TNFSF4: variants seen among roughly 807,000 people sequenced by gnomAD.
TNFSF4 encodes TNF superfamily member 4, also known as tumor necrosis factor ligand superfamily member 4.
A neutral mutation model predicts 7.3 loss-of-function variants in TNFSF4; 4 were observed. That is an observed-to-expected ratio of 0.55 (90% CI 0.27 to 1.25). The LOEUF (loss-of-function observed/expected upper bound fraction) is 1.25. TNFSF4 is among the 50% of genes most tolerant of loss of function. TNFSF4 has a pLI of 0.12. For synonymous variants in TNFSF4, 76 were observed against 83.7 expected, an observed-to-expected ratio of 0.91 and a Z score of 0.50; for missense variants, 181 against 208.8, an observed-to-expected ratio of 0.87 and a Z score of 0.82.
chr1:173,196,264 A>G (rs554580318), intron 1 of TNFSF4, among the ~76,000 whole-genome samples: 1 of 152,344 alleles, frequency 6.6e-6, no homozygotes, highest in African/African-American at 2.4e-5. Flanking sequence ...GACTTATCCC[A>G]AAAGTTACAT....
chr1:173,181,861 C>T (rs906388852), downstream of TNFSF4, among the ~76,000 whole-genome samples: 18 of 152,308 alleles, frequency 1.2e-4, no homozygotes, highest in African/African-American at 4.1e-4. Flanking sequence ...GTGGCTACAA[C>T]AGCTACAATG....
the TNFSF4 span, among the ~76,000 whole-genome samples, chr1:173,365,042 G>A: frequency 6.6e-6 from 1 of 151,460 alleles, no homozygotes; most frequent in Non-Finnish European, 1.5e-5. Flanking sequence ...AGCTATGATG[G>A]CGCTGCTGCA....
At chr1:173,199,500 G>C (rs946626818) in intron 1 of TNFSF4, among the ~76,000 whole-genome samples, 1 of 152,148 alleles carries the variant, frequency 6.6e-6, no homozygotes, top group African/African-American at 2.4e-5. Flanking sequence ...GGCAGAGCTT[G>C]GAGCAATACA....
chr1:173,448,806 G>A, the TNFSF4 span, among the ~76,000 whole-genome samples: 5 of 152,306 alleles, frequency 3.3e-5, no homozygotes, highest in South Asian at 1.0e-3. Flanking sequence ...AGGCCATCTG[G>A]GCGTATAAGT....
At chr1:173,282,961 G>GA in the TNFSF4 span, among the ~76,000 whole-genome samples, 1 of 152,132 alleles carries the variant, frequency 6.6e-6, no homozygotes, top group Non-Finnish European at 1.5e-5. Context: ...AGCTCATTTA[G>GA]AAAAGATGCA....
chr1:173,232,994 G>A, the TNFSF4 span, among the ~76,000 whole-genome samples: 1 of 152,210 alleles, frequency 6.6e-6, no homozygotes, highest in East Asian at 1.9e-4. Flanking sequence ...ACTTTGACGA[G>A]TTGAGAGAAG....
chr1:173,278,884 T>G, the TNFSF4 span, among the ~76,000 whole-genome samples: 1 of 152,142 alleles, frequency 6.6e-6, no homozygotes, highest in Non-Finnish European at 1.5e-5. Flanking sequence ...TCAGCCACAG[T>G]GGCTGCACAC....
At chr1:173,378,385 G>A in the TNFSF4 span, among the ~76,000 whole-genome samples, 1 of 152,158 alleles carries the variant, frequency 6.6e-6, no homozygotes, top group African/African-American at 2.4e-5. Flanking sequence ...GTGGGTCCTT[G>A]GGCAGGGGGA....
At chr1:173,365,057 A>G in the TNFSF4 span, among the ~76,000 whole-genome samples, 1 of 151,728 alleles carries the variant, frequency 6.6e-6, no homozygotes, top group Non-Finnish European at 1.5e-5. Context: ...GCTGCACTCC[A>G]GCCTGGGAAA....
chr1:173,395,388 A>ATATATATATATG, the TNFSF4 span, among the ~76,000 whole-genome samples: 1 of 66,872 alleles, frequency 1.5e-5, no homozygotes, highest in Non-Finnish European at 3.2e-5. Context: ...ATATATATAT[A>ATATATATATATG]TATATATATA....
the TNFSF4 span, among the ~76,000 whole-genome samples, chr1:173,334,207 G>A: frequency 6.6e-6 from 1 of 152,100 alleles, no homozygotes; most frequent in African/African-American, 2.4e-5. Context: ...ATTTAAAGAT[G>A]CTAGTGTCTA....
chr1:173,242,291 A>G, the TNFSF4 span, among the ~76,000 whole-genome samples: 2 of 152,152 alleles, frequency 1.3e-5, no homozygotes, highest in South Asian at 2.1e-4. Flanking sequence ...TCCACCCTCC[A>G]AACACCAAGA....
the TNFSF4 span, among the ~76,000 whole-genome samples, chr1:173,431,050 T>C: frequency 6.6e-6 from 1 of 152,256 alleles, no homozygotes; most frequent in Non-Finnish European, 1.5e-5. Flanking sequence ...CAGCCAGTAA[T>C]TGCTAGATCA....
At chr1:173,370,166 T>C in the TNFSF4 span, among the ~76,000 whole-genome samples, 4 of 152,198 alleles carry the variant, frequency 2.6e-5, no homozygotes, top group South Asian at 6.2e-4. Flanking sequence ...TCCTGATAGA[T>C]ATACAGATGT....
At chr1:173,277,444 G>A in the TNFSF4 span, among the ~76,000 whole-genome samples, 5 of 152,102 alleles carry the variant, frequency 3.3e-5, no homozygotes, top group Middle Eastern at 3.2e-3. Context: ...CCTATTTCTA[G>A]GGTGTCCTCA....
the TNFSF4 span, among the ~76,000 whole-genome samples, chr1:173,433,358 A>C: frequency 6.6e-6 from 1 of 151,914 alleles, no homozygotes; most frequent in Non-Finnish European, 1.5e-5. Context: ...CAATAATTCT[A>C]CCCCCGAACA....
At chr1:173,363,518 C>A in the TNFSF4 span, 1 of 456,812 alleles carries the variant, frequency 2.2e-6, no homozygotes, top group South Asian at 1.9e-5. Context: ...CAAATCTTAC[C>A]TTTAAGATTC....
the TNFSF4 span, among the ~76,000 whole-genome samples, chr1:173,354,612 C>T: frequency 6.6e-6 from 1 of 152,252 alleles, no homozygotes; most frequent in Non-Finnish European, 1.5e-5. Context: ...TAAATTTCAA[C>T]ATTTTGAATA....
At chr1:173,362,097 G>T in the TNFSF4 span, among the ~76,000 whole-genome samples, 1 of 152,188 alleles carries the variant, frequency 6.6e-6, no homozygotes, top group Non-Finnish European at 1.5e-5. Context: ...GTAAGCATGA[G>T]AATGGCAAAT....
Sources: allele counts gnomAD v4.1 joint callset (sites outside exome capture counted in the v4.1 genomes callset), GRCh38; gene constraint gnomAD v4.1.1; transcripts MANE v1.5; gene names NCBI Gene and HGNC (gene_info 2026-07-23, HGNC 2026-07-21).